Variants in OCA2 observed in about 807,000 individuals in gnomAD.
OCA2 encodes OCA2 melanosomal transmembrane protein.
In OCA2, 77 loss-of-function variants were observed where a neutral mutation model predicts 100.2. The observed-to-expected ratio is 0.77, with a 90% CI of 0.64 to 0.93. The LOEUF (loss-of-function observed/expected upper bound fraction) is 0.93, where lower values mean the gene tolerates loss of function less well. Among genes scored for constraint, OCA2 ranks in the 40% least tolerant of loss-of-function variants. The pLI, the probability that OCA2 is intolerant of heterozygous loss-of-function variation, is 0.00. For missense variants in OCA2, 1,062 were observed against 1,089.1 expected (o/e 0.98, Z 0.35); for synonymous variants, 432 against 439.2 (o/e 0.98, Z 0.21).
At chr15:28,072,545 G>A (rs1441676612) in intron 2 of OCA2, among the ~76,000 whole-genome samples, 2 of 139,454 alleles carry the variant, frequency 1.4e-5, no homozygotes, top group African/African-American at 2.7e-5. Flanking sequence ...AGCTGAGATC[G>A]CATCACTGCA....
chr15:27,807,328 C>A (rs970955495), intron 23 of OCA2, among the ~76,000 whole-genome samples: 3 of 152,186 alleles, frequency 2.0e-5, no homozygotes, highest in African/African-American at 7.2e-5. Context: ...GACCACAGGG[C>A]AGCTGGGGGA....
At chr15:27,753,594 A>G (rs112558471), downstream of OCA2, among the ~76,000 whole-genome samples, 3,230 of 151,978 alleles carry the variant, frequency 0.021, 123 homozygotes, top group African/African-American at 0.073. Context: ...AAAATTAGCC[A>G]GGCGTGGTGG....
the OCA2 span, among the ~76,000 whole-genome samples, chr15:27,729,289 A>ATTTTTTTTTTTTTTTTT: frequency 1.8e-5 from 2 of 111,218 alleles, no homozygotes; most frequent in Non-Finnish European, 1.9e-5. Context: ...ATTATCATCT[A>ATTTTTTTTTTTTTTTTT]TTTTTTTTTT....
At chr15:28,061,333 A>G (rs2043866206) in intron 2 of OCA2, among the ~76,000 whole-genome samples, 1 of 152,236 alleles carries the variant, frequency 6.6e-6, no homozygotes, top group Non-Finnish European at 1.5e-5. Flanking sequence ...CTAACTGAAC[A>G]GAGAATTCAC....
chr15:27,925,901 C>A (rs552332090), intron 19 of OCA2, among the ~76,000 whole-genome samples: 83 of 152,076 alleles, frequency 5.5e-4, no homozygotes, highest in Non-Finnish European at 7.4e-4. Context: ...TTACAAACCA[C>A]AAAGATAATT....
chr15:27,814,921 TAGATA>T (rs1447098236), intron 23 of OCA2, among the ~76,000 whole-genome samples: 1 of 149,950 alleles, frequency 6.7e-6, no homozygotes, highest in African/African-American at 2.5e-5. Context: ...GATAGATAGA[TAGATA>T]GATAGATAGA....
chr15:27,927,708 CA>C (rs1248617004), intron 18 of OCA2, among the ~76,000 whole-genome samples: 1 of 151,362 alleles, frequency 6.6e-6, no homozygotes, highest in Non-Finnish European at 1.5e-5. Flanking sequence ...TGATTTTAGA[CA>C]TTCCAATGGT....
chr15:27,797,092 C>A (rs1435637674), intron 23 of OCA2, among the ~76,000 whole-genome samples: 4 of 152,210 alleles, frequency 2.6e-5, no homozygotes, highest in Non-Finnish European at 4.4e-5. Flanking sequence ...CCTCCCTTCA[C>A]CTCTTCACCT....
the OCA2 span, among the ~76,000 whole-genome samples, chr15:27,746,979 T>G: frequency 6.6e-6 from 1 of 152,296 alleles, no homozygotes; most frequent in African/African-American, 2.4e-5. Context: ...AGATGTTCCC[T>G]CCCAATGAAC....
At chr15:27,789,405 G>T (rs1288902950) in intron 23 of OCA2, among the ~76,000 whole-genome samples, 4 of 152,004 alleles carry the variant, frequency 2.6e-5, no homozygotes, top group Non-Finnish European at 5.9e-5. Flanking sequence ...TCTTGAGTTT[G>T]TATCTTCGTT....
chr15:27,997,049 G>A (rs1477572626), intron 9 of OCA2, among the ~76,000 whole-genome samples: 1 of 141,906 alleles, frequency 7.0e-6, no homozygotes, highest in Non-Finnish European at 1.5e-5. Context: ...GAGAAAGAAG[G>A]AAGGAAGGAA....
At chr15:27,989,515 A>G in intron 11 of OCA2, 86 bp downstream of exon 11, 6 of 1,078,636 alleles carry the variant, frequency 5.6e-6, no homozygotes, top group Non-Finnish European at 8.6e-6. Context: ...TCTTTAACAT[A>G]ATGAAGGACC....
chr15:27,719,822 G>A, the OCA2 span, among the ~76,000 whole-genome samples: 1 of 152,096 alleles, frequency 6.6e-6, no homozygotes, highest in East Asian at 1.9e-4. Context: ...TCCTGGTGAG[G>A]GGCCCTGTGC....
At chr15:27,775,059 A>G (rs558873706) in intron 23 of OCA2, among the ~76,000 whole-genome samples, 1 of 121,454 alleles carries the variant, frequency 8.2e-6, no homozygotes, top group East Asian at 2.2e-4. Flanking sequence ...GAGTTTTTAG[A>G]ACTCGTGTGT....
intron 23 of OCA2, among the ~76,000 whole-genome samples, chr15:27,795,235 AAT>A (rs2033278469): frequency 6.6e-6 from 1 of 152,132 alleles, no homozygotes; most frequent in African/African-American, 2.4e-5. Context: ...ACCCTTATTT[AAT>A]AGAGTATTTT....
chr15:27,864,660 C>T lies in OCA2; in HGVS notation c.2244+6494G>A, dbSNP rs1057330257. 4.6e-5 allele frequency among the ~76,000 whole-genome samples: 7 copies of T among 152,102 alleles called. No individual in the cohort carries two copies. The East Asian group carries it at 1.4e-3, about 29-fold the overall frequency. On this transcript the variant is annotated intron_variant, in intron 21 of 23. Transcript: ENST00000354638. The stretch of plus-strand genomic sequence containing the variant: ...CAGCATAGATAATGATGAGTGCCAA[C>T]AAGTCAGTTGAAGGAAACCCACAGA...
chr15:27,993,492 C>T (rs2041622717), intron 9 of OCA2, among the ~76,000 whole-genome samples: 1 of 152,170 alleles, frequency 6.6e-6, no homozygotes. Context: ...GAGCCCTCAG[C>T]TCTGGAGGAG....
intron 23 of OCA2, among the ~76,000 whole-genome samples, chr15:27,795,765 T>C (rs56910875): frequency 0.012 from 1,875 of 152,278 alleles, 39 homozygotes; most frequent in African/African-American, 0.042. Flanking sequence ...CAACACACAC[T>C]GCTCTACTCC....
At position 28,095,774 on chromosome 15, in the gene OCA2, G is replaced by T. The variant is rs180681661; in HGVS notation, c.-22+3450C>A. Among the ~76,000 whole-genome samples, 62 of 151,942 alleles carry T rather than the reference G, an allele frequency of 4.1e-4. No homozygotes were observed. The East Asian group carries it at 5.4e-3, about 13-fold the overall frequency. On this transcript the variant is annotated intron_variant, in intron 1 of 23. Coordinates refer to ENST00000354638, the MANE Select transcript of OCA2 (RefSeq NM_000275.3). ...TTCTTTAAATATCTGACATAATACCGGCAAGGAACGAGAAGCACCAGGTTT... is the reference window on the plus strand; with the variant it reads ...TTCTTTAAATATCTGACATAATACCTGCAAGGAACGAGAAGCACCAGGTTT...
Sources: allele counts gnomAD v4.1 joint callset (sites outside exome capture counted in the v4.1 genomes callset), GRCh38; gene constraint gnomAD v4.1.1; transcripts MANE v1.5; gene names NCBI Gene and HGNC (gene_info 2026-07-23, HGNC 2026-07-21).